PRKAG2: variants seen among roughly 807,000 people sequenced by gnomAD.
PRKAG2 encodes the protein 5'-AMP-activated protein kinase subunit gamma-2.
In PRKAG2, 26 loss-of-function variants were observed where a neutral mutation model predicts 69.6. That is an observed-to-expected ratio of 0.37 (90% confidence interval 0.27 to 0.52). The LOEUF is 0.52. Among genes scored for constraint, PRKAG2 ranks in the 20% least tolerant of loss-of-function variants. PRKAG2 has a pLI of 0.90. For synonymous variants in PRKAG2, 293 were observed against 285.0 expected (o/e 1.03, Z -0.28); for missense variants, 557 against 740.0 (o/e 0.75, Z 2.87).
At chr7:151,570,977 G>T (rs1256689546) in intron 9 of PRKAG2, among the ~76,000 whole-genome samples, 1 of 151,894 alleles carries the variant, frequency 6.6e-6, no homozygotes, top group Admixed American at 6.6e-5. Context: ...CATGATGTTG[G>T]CCAGGCTGGT....
intron 1 of PRKAG2, among the ~76,000 whole-genome samples, chr7:151,841,102 CCCTGCCT>C (rs551973329): frequency 4.5e-4 from 69 of 152,360 alleles, no homozygotes; most frequent in African/African-American, 1.6e-3. Flanking sequence ...AATTCTCTCA[CCCTGCCT>C]CCTGAGTAGC....
chr7:151,855,237 GCC>G (rs2079709963), intron 1 of PRKAG2, among the ~76,000 whole-genome samples: 1 of 16,828 alleles, frequency 5.9e-5, no homozygotes. Context: ...CACACACACC[GCC>G]CTCCACACAC....
At chr7:151,639,834 C>T (rs889833950) in intron 4 of PRKAG2, among the ~76,000 whole-genome samples, 4 of 152,154 alleles carry the variant, frequency 2.6e-5, no homozygotes, top group African/African-American at 9.7e-5. Flanking sequence ...TTCTCAGCCT[C>T]CATAATCCCA....
chr7:151,730,389 A>G (rs1407114804), intron 3 of PRKAG2, among the ~76,000 whole-genome samples: 3 of 152,172 alleles, frequency 2.0e-5, no homozygotes, highest in African/African-American at 2.4e-5. Context: ...ATTTCTGGCC[A>G]GGTGTGGTGG....
chr7:151,775,454 G>A (rs1237579015), intron 3 of PRKAG2, among the ~76,000 whole-genome samples: 1 of 152,190 alleles, frequency 6.6e-6, no homozygotes, highest in Non-Finnish European at 1.5e-5. Context: ...AGTCCTGAGG[G>A]TTCAGCTCTT....
intron 3 of PRKAG2, among the ~76,000 whole-genome samples, chr7:151,730,675 G>A (rs1308341406): frequency 6.6e-6 from 1 of 152,126 alleles, no homozygotes; most frequent in Non-Finnish European, 1.5e-5. Context: ...CAGGGGGGCT[G>A]GATGGGGGCG....
intron 1 of PRKAG2, among the ~76,000 whole-genome samples, chr7:151,857,331 G>A (rs1317838954): frequency 6.7e-6 from 1 of 149,772 alleles, no homozygotes; most frequent in African/African-American, 2.5e-5. Flanking sequence ...GAGGAATGAG[G>A]CCGATGCCCA....
intron 4 of PRKAG2, among the ~76,000 whole-genome samples, chr7:151,662,244 AG>A (rs1228961001): frequency 6.6e-6 from 1 of 152,216 alleles, no homozygotes; most frequent in Non-Finnish European, 1.5e-5. Flanking sequence ...TCTCCACATC[AG>A]ACTTCTAAAT....
At chr7:151,592,116 G>A (rs552398000) in intron 6 of PRKAG2, among the ~76,000 whole-genome samples, 12 of 151,816 alleles carry the variant, frequency 7.9e-5, no homozygotes, top group South Asian at 2.1e-4. Flanking sequence ...CTCTGACACC[G>A]GTGCCTCCCC....
chr7:151,774,628 G>A (rs1285726726), intron 3 of PRKAG2, among the ~76,000 whole-genome samples: 1 of 152,052 alleles, frequency 6.6e-6, no homozygotes, highest in Non-Finnish European at 1.5e-5. Flanking sequence ...CCAACATGGC[G>A]AAACCCTGTC....
At chr7:151,811,369 G>C (rs1433913325) in intron 1 of PRKAG2, among the ~76,000 whole-genome samples, 1 of 152,208 alleles carries the variant, frequency 6.6e-6, no homozygotes, top group Non-Finnish European at 1.5e-5. Context: ...TTTGCCCGTG[G>C]TAGCCAGGGG....
rs189477297 is a variant in PRKAG2, at chr7:151,807,827, A to G, written c.115-21286T>C. On this transcript the variant is annotated intron_variant, in intron 1 of 15. Coordinates refer to ENST00000287878, the MANE Select transcript of PRKAG2 (RefSeq NM_016203.4). The surrounding 1 kb of genome is among the most constrained non-coding windows in gnomAD (Gnocchi z 4.4). ...AGAAGACCCAAAAGGCATAGGGGAG[A>G]GAAGAGATAAATCTGGATGCGGTGG... 2.0e-5 allele frequency among the ~76,000 whole-genome samples: 3 copies of G among 152,292 alleles called. No individual in the cohort carries two copies. Among genetic ancestry groups the G allele is most frequent in the African/African-American group, 7.2e-5 (3 of 41,548 alleles).
At chr7:151,845,097 GC>G (rs58889106) in intron 1 of PRKAG2, among the ~76,000 whole-genome samples, 45,193 of 151,286 alleles carry the variant, frequency 0.3, 8,289 homozygotes, top group East Asian at 0.67. Flanking sequence ...GTTCCCAGCT[GC>G]CCCCCACATC....
At chr7:151,707,460 C>G (rs1243586845) in intron 3 of PRKAG2, among the ~76,000 whole-genome samples, 1 of 152,128 alleles carries the variant, frequency 6.6e-6, no homozygotes, top group Admixed American at 6.6e-5. Context: ...TTCTTCCCGC[C>G]CTTGAGCCTG....
At chr7:151,606,102 C>T (rs572241598) in intron 5 of PRKAG2, among the ~76,000 whole-genome samples, 1 of 152,112 alleles carries the variant, frequency 6.6e-6, no homozygotes, top group African/African-American at 2.4e-5. Context: ...ACTATGTTGC[C>T]CAAGCTGGTC....
intron 3 of PRKAG2, among the ~76,000 whole-genome samples, chr7:151,741,589 C>T (rs1040266265): frequency 1.3e-5 from 2 of 151,240 alleles, no homozygotes; most frequent in African/African-American, 2.4e-5. Flanking sequence ...GCAGGAGAAT[C>T]GCTTGAACCA....
intron 4 of PRKAG2, among the ~76,000 whole-genome samples, chr7:151,649,545 T>C (rs868752014): frequency 6.6e-6 from 1 of 152,156 alleles, no homozygotes; most frequent in Non-Finnish European, 1.5e-5. Context: ...TCATGCCCAA[T>C]TGTAATCTCC....
chr7:151,727,448 G>A lies in PRKAG2; in HGVS notation c.467-51811C>T, dbSNP rs115387651. 9.8e-3 allele frequency among the ~76,000 whole-genome samples: 1,492 copies of A among 152,248 alleles called. 30 individuals carry two copies. The highest frequency in any genetic ancestry group is 0.033 in the African/African-American group (1,389 of 41,566). ...CCCCGTGGGGAGGAAGGCAGGCTGG[G>A]GCAGCAGGAGACCAGAGCTGGGGTG... On this transcript the variant is annotated intron_variant, in intron 3 of 15. Coordinates refer to ENST00000287878, the MANE Select transcript of PRKAG2 (RefSeq NM_016203.4).
chr7:151,832,602 G>GGC (rs1554614834), intron 1 of PRKAG2, among the ~76,000 whole-genome samples: 6 of 151,432 alleles, frequency 4.0e-5, no homozygotes, highest in African/African-American at 9.7e-5. Context: ...CTCTGGGGGG[G>GGC]GGGTCCCAGC....
Sources: allele counts gnomAD v4.1 joint callset (sites outside exome capture counted in the v4.1 genomes callset), GRCh38; gene constraint gnomAD v4.1.1; non-coding constraint Gnocchi (gnomAD v3.1); transcripts MANE v1.5; gene names NCBI Gene and HGNC (gene_info 2026-07-23, HGNC 2026-07-21).